Variants in GRIK3 observed in about 807,000 individuals in gnomAD.
The protein encoded by GRIK3 is glutamate ionotropic receptor kainate type subunit 3.
GRIK3 carries 29 observed loss-of-function variants against 102.5 expected under a neutral mutation model. That is an observed-to-expected ratio of 0.28 (90% confidence interval 0.21 to 0.39). The LOEUF (loss-of-function observed/expected upper bound fraction) is 0.39, where lower values mean the gene tolerates loss of function less well. Ranked by LOEUF, GRIK3 falls within the 10% of genes least tolerant of loss-of-function variation. The pLI is 1.00. For synonymous variants in GRIK3, 511 were observed against 504.9 expected, an observed-to-expected ratio of 1.01 and a Z score of -0.16; for missense variants, 908 against 1,252.4, an observed-to-expected ratio of 0.73 and a Z score of 4.15.
intron 10 of GRIK3, among the ~76,000 whole-genome samples, chr1:36,833,825 C>T (rs940473648): frequency 5.9e-5 from 9 of 152,196 alleles, no homozygotes; most frequent in African/African-American, 1.9e-4. Flanking sequence ...CTCCTTCACC[C>T]AACCCTCATC....
chr1:36,926,432 C>T (rs551104946), intron 1 of GRIK3, among the ~76,000 whole-genome samples: 1 of 151,960 alleles, frequency 6.6e-6, no homozygotes, highest in South Asian at 2.1e-4. Flanking sequence ...ACCCTGTCAC[C>T]CAGGCTGGAG....
chr1:36,924,826 G>A (rs1010234448), intron 1 of GRIK3, among the ~76,000 whole-genome samples: 1 of 152,068 alleles, frequency 6.6e-6, no homozygotes, highest in Non-Finnish European at 1.5e-5. Context: ...CCTTCTCGCA[G>A]GGGACACAGC....
At chr1:36,945,039 G>A (rs930068705) in intron 1 of GRIK3, among the ~76,000 whole-genome samples, 1 of 152,228 alleles carries the variant, frequency 6.6e-6, no homozygotes, top group Non-Finnish European at 1.5e-5. Flanking sequence ...GGCAGCAGGT[G>A]TGCCCAGCTG....
intron 3 of GRIK3, among the ~76,000 whole-genome samples, chr1:36,874,399 T>A (rs151191028): frequency 6.6e-6 from 1 of 152,322 alleles, no homozygotes; most frequent in Non-Finnish European, 1.5e-5. Context: ...CCCAGCCCAC[T>A]GAAGACTCAA....
In GRIK3 at chr1:36,798,470, C is replaced by T. The variant is rs1469475411; in HGVS notation, c.*3381G>A. 1 of 152,324 alleles carries T rather than the reference C, an allele frequency of 6.6e-6. No individual in the cohort carries two copies. Among genetic ancestry groups the T allele is most frequent in the Non-Finnish European group, 1.5e-5 (1 of 68,104 alleles). The allele number at this position is 152,324 out of a possible 1,614,324, so 9.4% of individuals were successfully genotyped here. Reference sequence around the variant, plus strand: ...CGTGTGTGCACACACACTACACATGCATACACACACATACACACACACGCA... The same window carrying T: ...CGTGTGTGCACACACACTACACATGTATACACACACATACACACACACGCA... On this transcript the variant is annotated 3_prime_UTR_variant, in exon 16 of 16. Coordinates refer to ENST00000373091, the MANE Select transcript of GRIK3 (RefSeq NM_000831.4).
chr1:36,818,943 G>A (rs1381867683), intron 12 of GRIK3, among the ~76,000 whole-genome samples: 1 of 152,156 alleles, frequency 6.6e-6, no homozygotes, highest in Non-Finnish European at 1.5e-5. Context: ...GTGAGCACAT[G>A]GCTGGTGGCC....
At position 37,034,472 on chromosome 1, in the gene GRIK3, GCTC is replaced by G. The variant is rs1159824741; in HGVS notation, c.-367_-365del. On this transcript the variant is annotated 5_prime_UTR_variant, in exon 1 of 16. Transcript: ENST00000373091. ...GGGCGGGCTGCACGCGTCTCCGGCC[GCTC>G]CTCCTCCAGCCGCCGCCGATGCTAT... Among the ~76,000 whole-genome samples, 1 of 151,332 alleles carries G rather than the reference GCTC, an allele frequency of 6.6e-6. No individual in the cohort carries two copies.
At chr1:36,970,017 C>A (rs1642124516) in intron 1 of GRIK3, among the ~76,000 whole-genome samples, 1 of 152,174 alleles carries the variant, frequency 6.6e-6, no homozygotes, top group Non-Finnish European at 1.5e-5. Flanking sequence ...GCAAGGTTGA[C>A]AGGTAGGGTA....
chr1:36,815,762 C>CT (rs1465297266), intron 13 of GRIK3, among the ~76,000 whole-genome samples: 8 of 151,876 alleles, frequency 5.3e-5, no homozygotes, highest in African/African-American at 9.7e-5. Context: ...TTCTTTCTTT[C>CT]TTTTTTTTAT....
chr1:36,920,099 A>T (rs1249398950), intron 1 of GRIK3, among the ~76,000 whole-genome samples: 2 of 152,014 alleles, frequency 1.3e-5, no homozygotes, highest in African/African-American at 4.8e-5. Flanking sequence ...TAGCAGACTG[A>T]CCCCTGAAAC....
chr1:36,922,002 T>G (rs1641478865), intron 1 of GRIK3, among the ~76,000 whole-genome samples: 1 of 152,164 alleles, frequency 6.6e-6, no homozygotes, highest in Non-Finnish European at 1.5e-5. Flanking sequence ...TTTGTTTTGC[T>G]TTTATGCTGC....
chr1:37,025,035 TGAAA>T, intron 1 of GRIK3, among the ~76,000 whole-genome samples: 1 of 152,164 alleles, frequency 6.6e-6, no homozygotes. Flanking sequence ...GATCAAGAGT[TGAAA>T]CTCAGACAGA....
intron 1 of GRIK3, among the ~76,000 whole-genome samples, chr1:36,968,814 C>T (rs1642107463): frequency 6.6e-6 from 1 of 152,348 alleles, no homozygotes; most frequent in Admixed American, 6.5e-5. Context: ...AGCAGATGTG[C>T]CTGTCGGGAC....
chr1:36,933,029 C>A (rs532269434), intron 1 of GRIK3, among the ~76,000 whole-genome samples: 1 of 152,308 alleles, frequency 6.6e-6, no homozygotes, highest in South Asian at 2.1e-4. Context: ...TATGTAGAAC[C>A]ACGTTTACCA....
chr1:37,032,936 G>A (rs1382962223), intron 1 of GRIK3, among the ~76,000 whole-genome samples: 2 of 152,232 alleles, frequency 1.3e-5, no homozygotes, highest in African/African-American at 4.8e-5. Context: ...CTGTAGAGGA[G>A]GAAGGTGGCC....
At chr1:36,960,754 C>T (rs972486790) in intron 1 of GRIK3, among the ~76,000 whole-genome samples, 2 of 152,182 alleles carry the variant, frequency 1.3e-5, no homozygotes, top group Non-Finnish European at 2.9e-5. Flanking sequence ...ACAGAACTGC[C>T]CTCTGGGCCT....
chr1:36,840,924 C>G (rs1477253427), intron 10 of GRIK3, among the ~76,000 whole-genome samples: 1 of 152,168 alleles, frequency 6.6e-6, no homozygotes, highest in African/African-American at 2.4e-5. Context: ...CAGTCTTCTG[C>G]CACTATGACA....
intron 1 of GRIK3, among the ~76,000 whole-genome samples, chr1:37,024,007 A>C (rs563631548): frequency 6.6e-6 from 1 of 152,372 alleles, no homozygotes; most frequent in East Asian, 1.9e-4. Context: ...AGGATAAGAA[A>C]AGTTATAGAT....
intron 1 of GRIK3, among the ~76,000 whole-genome samples, chr1:36,952,883 C>G (rs1020800936): frequency 1.3e-5 from 2 of 152,182 alleles, no homozygotes. Context: ...GGAGAGGGAA[C>G]GAGCTATGTG....
Sources: gnomAD v4.1 joint callset for allele counts (sites outside exome capture counted in the v4.1 genomes callset) on GRCh38, gnomAD v4.1.1 for gene constraint, MANE v1.5 for transcripts, NCBI Gene and HGNC (gene_info 2026-07-23, HGNC 2026-07-21) for gene names.